The following DLGAP4 variants were observed in gnomAD, a reference collection of about 807,000 sequenced individuals.
DLGAP4 encodes DLG associated protein 4, also known as disks large-associated protein 4.
Under a neutral mutation model 86.9 loss-of-function variants are expected in DLGAP4, and 18 were observed. The observed-to-expected ratio is 0.21, with a 90% CI of 0.14 to 0.31. The LOEUF is 0.31. Ranked by LOEUF, DLGAP4 falls within the 10% of genes least tolerant of loss-of-function variation. DLGAP4 has a pLI of 1.00. For synonymous variants in DLGAP4, 548 were observed against 574.3 expected, an observed-to-expected ratio of 0.95 and a Z score of 0.65; for missense variants, 1,085 against 1,362.6, an observed-to-expected ratio of 0.80 and a Z score of 3.21.
intron 7 of DLGAP4, among the ~76,000 whole-genome samples, chr20:36,465,950 G>A (rs539162231): frequency 1.3e-5 from 2 of 152,302 alleles, no homozygotes; most frequent in East Asian, 3.9e-4. Context: ...GTTTGTCCTT[G>A]CTGGCTCTGG....
chr20:36,314,369 T>TGTGGAG (rs2065079655), intron 1 of DLGAP4, among the ~76,000 whole-genome samples: 1 of 24 alleles, frequency 0.042, no homozygotes, highest in Non-Finnish European at 0.1. Flanking sequence ...GGTGTGTGTG[T>TGTGGAG]GGNNNNNNNN....
At chr20:36,490,824 T>G (rs2035629427) in intron 7 of DLGAP4, among the ~76,000 whole-genome samples, 1 of 152,106 alleles carries the variant, frequency 6.6e-6, no homozygotes. Context: ...GTCCTCCGCA[T>G]CCCTCGGGAA....
At chr20:36,400,113 A>T (rs1195991044) in intron 2 of DLGAP4, among the ~76,000 whole-genome samples, 2 of 152,218 alleles carry the variant, frequency 1.3e-5, no homozygotes, top group Non-Finnish European at 2.9e-5. Flanking sequence ...CTGGACCCTC[A>T]CTATATTTTG....
chr20:36,400,917 G>A (rs577599621), intron 2 of DLGAP4, among the ~76,000 whole-genome samples: 4 of 152,254 alleles, frequency 2.6e-5, no homozygotes, highest in South Asian at 2.1e-4. Flanking sequence ...GGGGGCCAGC[G>A]GGGAATCAGA....
At chr20:36,357,871 C>T (rs1490683140) in intron 1 of DLGAP4, among the ~76,000 whole-genome samples, 1 of 152,186 alleles carries the variant, frequency 6.6e-6, no homozygotes, top group African/African-American at 2.4e-5. Flanking sequence ...GAGGGGGCTG[C>T]GGATCCCGTC....
chr20:36,525,356 G>A lies in DLGAP4; in HGVS notation c.2605-495G>A, dbSNP rs541965146. On this transcript the variant is annotated intron_variant, in intron 11 of 12. Transcript: ENST00000339266. Reference sequence around the variant, plus strand: ...AGGGTCAAAAGCAAAGTCCTGGGCTGTTCTGCCTGTGGGAATGTGTGTACT... The same window carrying A: ...AGGGTCAAAAGCAAAGTCCTGGGCTATTCTGCCTGTGGGAATGTGTGTACT... 104 of 178,600 alleles carry A rather than the reference G, an allele frequency of 5.8e-4. No individual in the cohort carries two copies. In the South Asian group the frequency reaches 0.014, roughly 23 times the overall value. 11.1% of individuals were successfully genotyped at this position (178,600 alleles called of 1,614,324 possible). A position where few individuals can be genotyped will look rare whatever the true frequency, so the allele number is the denominator to read the frequency against.
chr20:36,467,064 C>CTCT lies in DLGAP4; in HGVS notation c.1648+20127_1648+20128insTCT, dbSNP rs1555907464. On this transcript the variant is annotated intron_variant, in intron 7 of 12. Transcript: ENST00000339266. Reference sequence around the variant, plus strand: ...TCTCTCTCTCTCTCTCTCTCTCTCTCCCCCCCCCTTCTCTCGGCCCTGCCT... The same window carrying CTCT: ...TCTCTCTCTCTCTCTCTCTCTCTCTCTCTCCCCCCCCTTCTCTCGGCCCTGCCT... 4.2e-3 allele frequency among the ~76,000 whole-genome samples: 491 copies of CTCT among 118,124 alleles called. 58 individuals are homozygous for CTCT. The highest frequency in any genetic ancestry group is 0.022 in the African/African-American group (455 of 20,572). The allele number at this position is 118,124 out of a possible 152,430, so 77.5% of individuals were successfully genotyped here.
intron 1 of DLGAP4, among the ~76,000 whole-genome samples, chr20:36,360,638 G>T (rs550943937): frequency 9.0e-4 from 137 of 152,146 alleles, no homozygotes; most frequent in Non-Finnish European, 1.5e-3. Flanking sequence ...TGGAAGGGTG[G>T]GGGGAGTAGA....
chr20:36,484,814 C>T (rs1273607806), intron 7 of DLGAP4, among the ~76,000 whole-genome samples: 1 of 152,242 alleles, frequency 6.6e-6, no homozygotes, highest in Non-Finnish European at 1.5e-5. Context: ...GTGATAGACT[C>T]GTGTGCCATG....
intron 5 of DLGAP4, among the ~76,000 whole-genome samples, chr20:36,440,313 C>G (rs535925695): frequency 4.6e-5 from 7 of 152,106 alleles, no homozygotes; most frequent in African/African-American, 1.4e-4. Flanking sequence ...TAAGTGGGAT[C>G]GTGAAGGCGG....
rs1279702349 is a variant in DLGAP4, at chr20:36,409,409, T to C, written c.-72-22237T>C. 1.3e-4 allele frequency among the ~76,000 whole-genome samples: 12 copies of C among 93,866 alleles called. No homozygotes were observed. The East Asian group carries it at 6.2e-3, about 49-fold the overall frequency. The allele number at this position is 93,866 out of a possible 152,430, so 61.6% of individuals were successfully genotyped here. ...AAATTTTTTTAAGACTTTTTTTTTT[T>C]AACTCTTTTTTTTTTTTTTTTAACT... On this transcript the variant is annotated intron_variant, in intron 2 of 12. Coordinates refer to ENST00000339266, the MANE Select transcript of DLGAP4 (RefSeq NM_001365621.2).
chr20:36,485,351 CAAAAAA>C (rs548217372), intron 7 of DLGAP4, among the ~76,000 whole-genome samples: 2 of 75,754 alleles, frequency 2.6e-5, no homozygotes, highest in Non-Finnish European at 6.1e-5. Context: ...GACCCTGTCC[CAAAAAA>C]AAAAAAAAAA....
At chr20:36,515,141 T>C (rs969497484) in intron 10 of DLGAP4, among the ~76,000 whole-genome samples, 1 of 152,220 alleles carries the variant, frequency 6.6e-6, no homozygotes, top group Non-Finnish European at 1.5e-5. Flanking sequence ...TTCCATTCAT[T>C]GCATGTCTGT....
chr20:36,504,564 T>C (rs574551340), intron 10 of DLGAP4, among the ~76,000 whole-genome samples: 3 of 152,312 alleles, frequency 2.0e-5, no homozygotes, highest in African/African-American at 7.2e-5. Flanking sequence ...TTTTGAGGAA[T>C]GGCTGAACTG....
intron 7 of DLGAP4, among the ~76,000 whole-genome samples, chr20:36,494,301 T>C (rs1181971411): frequency 6.6e-6 from 1 of 152,214 alleles, no homozygotes; most frequent in Non-Finnish European, 1.5e-5. Flanking sequence ...CATGTGTTAC[T>C]TTCAAAGAAC....
At chr20:36,495,230 A>G (rs901800022) in intron 7 of DLGAP4, among the ~76,000 whole-genome samples, 3 of 152,062 alleles carry the variant, frequency 2.0e-5, no homozygotes, top group Non-Finnish European at 4.4e-5. Flanking sequence ...CCACATTCTC[A>G]ATAGCATTTG....
chr20:36,391,159 C>T (rs922096872), intron 2 of DLGAP4, among the ~76,000 whole-genome samples: 5 of 152,146 alleles, frequency 3.3e-5, no homozygotes, highest in African/African-American at 1.2e-4. Context: ...ATCTCAGAGA[C>T]TGCCCCCGAC....
At chr20:36,479,438 G>A (rs1175914643) in intron 7 of DLGAP4, among the ~76,000 whole-genome samples, 1 of 152,140 alleles carries the variant, frequency 6.6e-6, no homozygotes, top group Non-Finnish European at 1.5e-5. Flanking sequence ...AGGGTCTAAA[G>A]GAGGAAGCAG....
At chr20:36,312,432 T>C (rs1370492090) in intron 1 of DLGAP4, among the ~76,000 whole-genome samples, 1 of 152,148 alleles carries the variant, frequency 6.6e-6, no homozygotes, top group African/African-American at 2.4e-5. Context: ...CAGTCACATT[T>C]GCGCTCCTCT....
Sources: allele counts gnomAD v4.1 joint callset (sites outside exome capture counted in the v4.1 genomes callset), GRCh38; gene constraint gnomAD v4.1.1; transcripts MANE v1.5; gene names NCBI Gene and HGNC (gene_info 2026-07-23, HGNC 2026-07-21).